Variants in GAREM2 observed in about 807,000 individuals in gnomAD.
The protein encoded by GAREM2 is GRB2 associated regulator of MAPK1 subtype 2.
GAREM2 carries 30 observed loss-of-function variants against 55.6 expected under a neutral mutation model. That is an observed-to-expected ratio of 0.54 (90% CI 0.40 to 0.73). The LOEUF is 0.73. GAREM2 is among the 30% of genes least tolerant of loss of function. The probability of loss-of-function intolerance (pLI) is 0.00; values close to 1 mark genes in which losing one functional copy is unlikely to be tolerated. For missense variants in GAREM2, 1,075 were observed against 1,257.7 expected (o/e 0.85, Z 2.20); for synonymous variants, 550 against 569.1 (o/e 0.97, Z 0.48).
At chr2:26,195,450 T>C in the GAREM2 span, among the ~76,000 whole-genome samples, 1 of 151,936 alleles carries the variant, frequency 6.6e-6, no homozygotes, top group African/African-American at 2.4e-5. Context: ...GCTTCTAAGG[T>C]TTTTCACTAC....
downstream of GAREM2, chr2:26,193,759 G>C (rs935397648): frequency 2.5e-6 from 4 of 1,614,016 alleles, no homozygotes; most frequent in Non-Finnish European, 3.4e-6. Context: ...CAGCTTCTTC[G>C]GGTCAACTCC....
chr2:26,195,216 T>C, the GAREM2 span: 10 of 1,613,036 alleles, frequency 6.2e-6, no homozygotes, highest in African/African-American at 1.3e-5. Context: ...GGGAGAGAAG[T>C]AGTGCATGCC....
At chr2:26,184,104 C>G in intron 3 of GAREM2, 129 bp from the exon 4 acceptor site, 16 of 1,390,860 alleles carry the variant, frequency 1.2e-5, no homozygotes, top group Non-Finnish European at 1.5e-5. Flanking sequence ...ATCTCCTGGC[C>G]TACCATCTAG....
At position 26,188,129 on chromosome 2, in the gene GAREM2, C is replaced by T. The variant is rs1485711901; in HGVS notation, c.2497C>T (p.Arg833Ter). ...AGAGGATGTGGTGAGCTTCTTTGCC[C>T]GAGAACGCATCGATGGTAGCATCTT... ...LSEDVVSFFA[R>*]ERIDGSIFVQ... is the part of the protein sequence containing the mutation. The change falls in exon 6 of 6, where the codon CGA (arginine) becomes TGA (stop). Residue 833 changes from arginine to a stop codon, truncating the protein, a stop_gained. Coordinates refer to ENST00000401533, the MANE Select transcript of GAREM2 (RefSeq NM_001168241.2). LOFTEE classifies it high-confidence loss of function. 5 of 1,551,444 alleles carry T rather than the reference C, an allele frequency of 3.2e-6. No homozygotes were observed. Among genetic ancestry groups the T allele is most frequent in the Non-Finnish European group, 2.6e-6 (3 of 1,146,798 alleles).
intron 2 of GAREM2, among the ~76,000 whole-genome samples, chr2:26,180,047 A>G (rs1668993963): frequency 6.6e-6 from 1 of 151,542 alleles, no homozygotes; most frequent in Admixed American, 6.6e-5. Context: ...CCCCCTCCAC[A>G]TTTTTCCTCT....
downstream of GAREM2, chr2:26,191,066 T>C: frequency 1.5e-6 from 1 of 667,592 alleles, no homozygotes; most frequent in Non-Finnish European, 2.7e-6. Flanking sequence ...GCAAACTAAT[T>C]CGAAGTCACA....
rs545645184 is a variant in GAREM2, at chr2:26,185,028, C to T, written c.1180C>T (p.Pro394Ser). 217 of 1,144,314 alleles carry T rather than the reference C, an allele frequency of 1.9e-4. 1 individual carries two copies. In the South Asian group the frequency reaches 7.3e-3, roughly 39 times the overall value. The allele number at this position is 1,144,314 out of a possible 1,614,324, so 70.9% of individuals were successfully genotyped here. The stretch of plus-strand genomic sequence containing the variant: ...GCGCGCCCCCGGGCTCGCCCGCGCC[C>T]CCGGCCCGCTAGCGCCGGCTCCCGC... Reference protein sequence around the residue: ...APRAPGLARAPGPLAPAPAGE... With the variant: ...APRAPGLARASGPLAPAPAGE... Residue 394 changes from proline (P) to serine (S), a missense_variant, in exon 4 of 6, where the codon CCC (proline) becomes TCC (serine). This residue lies in a region of GAREM2 where 515 missense variants were observed against 501.5 expected (regional missense o/e 1.03). Coordinates refer to ENST00000401533, the MANE Select transcript of GAREM2 (RefSeq NM_001168241.2).
intron 2 of GAREM2, chr2:26,182,083 C>G (rs1669068464): frequency 9.4e-7 from 1 of 1,060,912 alleles, no homozygotes; most frequent in South Asian, 3.9e-5. Context: ...AGAGGCCATC[C>G]ATCAGATGCC....
At chr2:26,200,192 C>T in the GAREM2 span, among the ~76,000 whole-genome samples, 1 of 152,114 alleles carries the variant, frequency 6.6e-6, no homozygotes, top group Non-Finnish European at 1.5e-5. Flanking sequence ...CTGTGGTACT[C>T]TTATTTTTTG....
intron 1 of GAREM2, among the ~76,000 whole-genome samples, chr2:26,176,122 C>T (rs569772023): frequency 7.9e-5 from 12 of 152,148 alleles, no homozygotes; most frequent in African/African-American, 2.2e-4. Flanking sequence ...CGAGGGGCCC[C>T]GTCGGGAGTC....
In GAREM2 at chr2:26,173,142, T is replaced by G. The variant is rs945785672; in HGVS notation, c.-79T>G. 1 of 325,084 alleles carries G rather than the reference T, an allele frequency of 3.1e-6. No homozygotes were observed. The allele number at this position is 325,084 out of a possible 1,614,324, so 20.1% of individuals were successfully genotyped here. On this transcript the variant is annotated 5_prime_UTR_variant, in exon 1 of 6. Transcript: ENST00000401533. ...CGAGCGCCGCGGCGGCCCCGGGAGG[T>G]GGCGGCGGGCGCGAGAGCCTGGGCC...
intron 5 of GAREM2, among the ~76,000 whole-genome samples, chr2:26,186,703 C>T (rs529053036): frequency 6.6e-6 from 1 of 152,204 alleles, no homozygotes; most frequent in Non-Finnish European, 1.5e-5. Context: ...AGGCCAGGTG[C>T]GGTGGCTGAT....
chr2:26,193,663 G>A (rs774863362), downstream of GAREM2: 30 of 1,613,952 alleles, frequency 1.9e-5, no homozygotes, highest in Non-Finnish European at 2.2e-5. Flanking sequence ...CAGATCTTCC[G>A]CCACATGTTT....
chr2:26,177,258 C>T (rs1668892659), intron 2 of GAREM2, among the ~76,000 whole-genome samples: 1 of 152,100 alleles, frequency 6.6e-6, no homozygotes, highest in African/African-American at 2.4e-5. Flanking sequence ...ACACCAGGAG[C>T]GTGTGGTTGC....
chr2:26,190,473 G>A (rs558174627), downstream of GAREM2, among the ~76,000 whole-genome samples: 14 of 152,262 alleles, frequency 9.2e-5, no homozygotes, highest in African/African-American at 2.9e-4. Context: ...CCTGATTACC[G>A]CACAGGCATT....
At chr2:26,173,407 T>G in intron 1 of GAREM2, 75 bp downstream of exon 1, 1 of 816,154 alleles carries the variant, frequency 1.2e-6, no homozygotes. Flanking sequence ...GCCAGAGGGA[T>G]CGTGAGGAGG....
downstream of GAREM2, chr2:26,191,489 G>A: frequency 6.2e-7 from 1 of 1,614,174 alleles, no homozygotes; most frequent in Non-Finnish European, 8.5e-7. Context: ...CAACCTCCCA[G>A]ACAAGGCGGG....
At chr2:26,191,472 G>T, downstream of GAREM2, 1 of 1,614,156 alleles carries the variant, frequency 6.2e-7, no homozygotes, top group South Asian at 1.1e-5. Flanking sequence ...TTCCCAACCT[G>T]CGAGACCAAC....
chr2:26,182,564 T>A, intron 2 of GAREM2: 3 of 1,436,134 alleles, frequency 2.1e-6, no homozygotes, highest in Non-Finnish European at 2.9e-6. Context: ...GAAAGGAACT[T>A]GTCACGGCAA....
Sources: allele counts gnomAD v4.1 joint callset (sites outside exome capture counted in the v4.1 genomes callset), GRCh38; gene constraint gnomAD v4.1.1; regional missense constraint gnomAD v4.1.1; transcripts MANE v1.5; gene names NCBI Gene and HGNC (gene_info 2026-07-23, HGNC 2026-07-21).